The following ERBB4 variants were observed in gnomAD, a reference collection of about 807,000 sequenced individuals.
ERBB4 encodes erb-b2 receptor tyrosine kinase 4.
ERBB4 carries 42 observed loss-of-function variants against 158.0 expected under a neutral mutation model. The observed-to-expected ratio is 0.27, with a 90% CI of 0.21 to 0.34. The LOEUF is 0.34. Ranked by LOEUF, ERBB4 falls within the 10% of genes least tolerant of loss-of-function variation. The pLI is 1.00. For synonymous variants in ERBB4, 583 were observed against 558.7 expected, an observed-to-expected ratio of 1.04 and a Z score of -0.61; for missense variants, 1,333 against 1,624.1, an observed-to-expected ratio of 0.82 and a Z score of 3.08.
chr2:211,946,651 C>T (rs1369299148), intron 3 of ERBB4, among the ~76,000 whole-genome samples: 5 of 116,252 alleles, frequency 4.3e-5, no homozygotes, highest in Non-Finnish European at 6.5e-5. Context: ...AGCAATGGTG[C>T]GATCTCAATA....
intron 3 of ERBB4, among the ~76,000 whole-genome samples, chr2:211,947,029 A>T (rs2080718694): frequency 6.6e-6 from 1 of 152,148 alleles, no homozygotes; most frequent in African/African-American, 2.4e-5. Flanking sequence ...TGTGCAGAAA[A>T]CTAAAGATTC....
intron 1 of ERBB4, among the ~76,000 whole-genome samples, chr2:212,492,225 C>T (rs980630219): frequency 1.3e-5 from 2 of 151,098 alleles, no homozygotes; most frequent in Admixed American, 6.6e-5. Context: ...TATATCTTCA[C>T]CAAAATGTGA....
At chr2:212,057,569 T>A (rs1263912551) in intron 2 of ERBB4, among the ~76,000 whole-genome samples, 1 of 152,150 alleles carries the variant, frequency 6.6e-6, no homozygotes, top group African/African-American at 2.4e-5. Flanking sequence ...ACAGAAATTA[T>A]AACAAACTGT....
intron 12 of ERBB4, among the ~76,000 whole-genome samples, chr2:211,697,666 A>G (rs1484575498): frequency 6.6e-6 from 1 of 152,246 alleles, no homozygotes; most frequent in African/African-American, 2.4e-5. Flanking sequence ...TTAATCATGT[A>G]AATATAAAAT....
intron 2 of ERBB4, among the ~76,000 whole-genome samples, chr2:211,994,379 C>G: frequency 6.6e-6 from 1 of 152,176 alleles, no homozygotes; most frequent in East Asian, 1.9e-4. Flanking sequence ...GCTCTCCTCC[C>G]CCATTGGCCT....
chr2:212,013,633 C>G (rs927010484), intron 2 of ERBB4, among the ~76,000 whole-genome samples: 1 of 152,168 alleles, frequency 6.6e-6, no homozygotes, highest in African/African-American at 2.4e-5. Flanking sequence ...GACACAGTCA[C>G]ACAGAAGAAG....
chr2:211,885,481 G>T (rs2078775127), intron 3 of ERBB4, among the ~76,000 whole-genome samples: 1 of 151,652 alleles, frequency 6.6e-6, no homozygotes, highest in Non-Finnish European at 1.5e-5. Context: ...TTTAAGACAG[G>T]CTCTCACTCT....
rs181754143 is a variant in ERBB4 at position 212,451,831 on chromosome 2, G to C, written c.82+86618C>G. Among the ~76,000 whole-genome samples the C allele has an allele frequency of 4.0e-3, 602 of 152,122 alleles. 6 individuals carry two copies. The highest frequency in any genetic ancestry group is 0.014 in the African/African-American group (573 of 41,500). Reference sequence around the variant, plus strand: ...TTAAGCATACATTCCTTTCATTTCTGTCTAGTTGCTACAGGGCGCAGCTAT... The same window carrying C: ...TTAAGCATACATTCCTTTCATTTCTCTCTAGTTGCTACAGGGCGCAGCTAT... On this transcript the variant is annotated intron_variant, in intron 1 of 27. Coordinates refer to ENST00000342788, the MANE Select transcript of ERBB4 (RefSeq NM_005235.3).
chr2:211,381,328 G>T lies in ERBB4; in HGVS notation c.*2287C>A, dbSNP rs933210273. 4.3e-6 allele frequency: 1 copy of T among 232,088 alleles called. No individual in the cohort carries two copies. The highest frequency in any genetic ancestry group is 8.5e-6 in the Non-Finnish European group (1 of 117,412). The allele number at this position is 232,088 out of a possible 1,614,324, so 14.4% of individuals were successfully genotyped here. On this transcript the variant is annotated 3_prime_UTR_variant, in exon 28 of 28. Coordinates refer to ENST00000342788, the MANE Select transcript of ERBB4 (RefSeq NM_005235.3). Reference sequence around the variant, plus strand: ...AATGGTGAAGTTAGACTCTAGATAGGCTAATTAGTCAGTGATGCAATATTC... The same window carrying T: ...AATGGTGAAGTTAGACTCTAGATAGTCTAATTAGTCAGTGATGCAATATTC...
At chr2:212,208,699 C>T (rs1300543825) in intron 1 of ERBB4, among the ~76,000 whole-genome samples, 1 of 152,142 alleles carries the variant, frequency 6.6e-6, no homozygotes, top group South Asian at 2.1e-4. Flanking sequence ...CTGAATTTGT[C>T]AGGCAAGGAG....
intron 14 of ERBB4, among the ~76,000 whole-genome samples, chr2:211,671,596 A>C (rs2071841860): frequency 6.6e-6 from 1 of 152,170 alleles, no homozygotes; most frequent in Admixed American, 6.5e-5. Context: ...TCTAATATAT[A>C]TTATGATTGG....
intron 1 of ERBB4, among the ~76,000 whole-genome samples, chr2:212,343,913 T>C (rs1467055685): frequency 2.0e-5 from 3 of 152,194 alleles, no homozygotes; most frequent in Non-Finnish European, 4.4e-5. Context: ...TTTCTTACAA[T>C]AAATAATATA....
intron 5 of ERBB4, among the ~76,000 whole-genome samples, chr2:211,749,777 T>A (rs554038238): frequency 1.3e-5 from 2 of 152,174 alleles, no homozygotes; most frequent in Non-Finnish European, 2.9e-5. Flanking sequence ...GTAATATTTG[T>A]ATGTTTGAAT....
intron 25 of ERBB4, among the ~76,000 whole-genome samples, chr2:211,415,410 C>T (rs542149021): frequency 1.6e-4 from 25 of 152,266 alleles, no homozygotes; most frequent in East Asian, 3.9e-4. Flanking sequence ...TGAGCCACCG[C>T]GCCCGGCCTG....
At chr2:211,393,759 G>A (rs866146275) in intron 25 of ERBB4, among the ~76,000 whole-genome samples, 163 of 148,206 alleles carry the variant, frequency 1.1e-3, no homozygotes, top group African/African-American at 4.0e-3. Flanking sequence ...GTGTGTGTGT[G>A]TGTGTGTGTG....
intron 3 of ERBB4, among the ~76,000 whole-genome samples, chr2:211,840,889 G>T (rs2077455658): frequency 6.6e-6 from 1 of 152,060 alleles, no homozygotes; most frequent in South Asian, 2.1e-4. Flanking sequence ...TTAAACTTTG[G>T]AGATCAAGTG....
At chr2:211,565,734 T>G (rs1239124734) in intron 19 of ERBB4, among the ~76,000 whole-genome samples, 1 of 152,148 alleles carries the variant, frequency 6.6e-6, no homozygotes, top group African/African-American at 2.4e-5. Flanking sequence ...CAAGGGTTTA[T>G]CGTGAGGTTT....
At chr2:211,657,863 C>A (rs753530285) in intron 15 of ERBB4, 35 bp from the exon 16 acceptor site, 3 of 1,607,784 alleles carry the variant, frequency 1.9e-6, no homozygotes, top group Non-Finnish European at 2.6e-6. Context: ...ACATCATTCT[C>A]CATCCACAGT....
At chr2:211,646,961 T>G (rs2105870645) in intron 16 of ERBB4, among the ~76,000 whole-genome samples, 1 of 151,786 alleles carries the variant, frequency 6.6e-6, no homozygotes, top group Admixed American at 6.6e-5. Context: ...GATTTAATAT[T>G]CCAGACCATC....
Sources: gnomAD v4.1 joint callset for allele counts (sites outside exome capture counted in the v4.1 genomes callset) on GRCh38, gnomAD v4.1.1 for gene constraint, MANE v1.5 for transcripts, NCBI Gene and HGNC (gene_info 2026-07-23, HGNC 2026-07-21) for gene names.